Variants in CEMIP observed in about 807,000 individuals in gnomAD.
CEMIP encodes cell migration-inducing and hyaluronan-binding protein.
A neutral mutation model predicts 156.9 loss-of-function variants in CEMIP; 105 were observed. The observed-to-expected ratio is 0.67, with a 90% CI of 0.57 to 0.79. CEMIP has a LOEUF of 0.79. Among genes scored for constraint, CEMIP ranks in the 30% least tolerant of loss-of-function variants. The probability of loss-of-function intolerance (pLI) is 0.00; values close to 1 mark genes in which losing one functional copy is unlikely to be tolerated. For synonymous variants in CEMIP, 676 were observed against 668.4 expected (o/e 1.01, Z -0.17); for missense variants, 1,457 against 1,769.4 (o/e 0.82, Z 3.17).
chr15:80,907,020 C>A (rs538165088), intron 13 of CEMIP, among the ~76,000 whole-genome samples, 182 bp downstream of exon 13: 2 of 147,916 alleles, frequency 1.4e-5, no homozygotes, highest in African/African-American at 5.0e-5. Flanking sequence ...GCTCCCCCCC[C>A]ACCAATATTT....
Position 80,920,115 on chromosome 15 carries a change from A to C in CEMIP, c.1819A>C (p.Asn607His). The C allele has an allele frequency of 6.2e-7, 1 of 1,614,212 alleles. No homozygotes were observed. The highest frequency in any genetic ancestry group is 8.5e-7 in the Non-Finnish European group (1 of 1,180,040). The change falls in exon 15 of 30, where the codon AAC becomes CAC. Residue 607 changes from asparagine (N) to histidine (H), a missense_variant. By Grantham distance (68) the Asn-to-His change is moderately conservative. Around this residue, in one of 5 missense-constraint regions of CEMIP, gnomAD observed 53 missense variants for 104.5 expected, o/e 0.51. Transcript: ENST00000394685. ...GLLIKDVVGY[N>H]SLGHCFFTED... ...GCAGATCAAGGACGTTGTGGGCTAT[A>C]ACTCTTTGGGCCACTGCTTCTTCAC...
chr15:80,815,622 CTTTG>C (rs1896773525), intron 1 of CEMIP, among the ~76,000 whole-genome samples: 2 of 149,608 alleles, frequency 1.3e-5, no homozygotes, highest in Non-Finnish European at 3.0e-5. Flanking sequence ...ATTCCTTCTC[CTTTG>C]TTTCTTAGTT....
chr15:80,905,023 C>T (rs184946773), intron 12 of CEMIP, among the ~76,000 whole-genome samples: 16 of 152,292 alleles, frequency 1.1e-4, no homozygotes, highest in African/African-American at 3.6e-4. Context: ...GAGTAAACAT[C>T]CCTAGAAACA....
rs1567079754 is a variant in CEMIP at position 80,878,876 on chromosome 15, ATC to A, written c.241+17_241+18del. The A allele has an allele frequency of 1.9e-6, 3 of 1,614,110 alleles. No individual in the cohort carries two copies. Among genetic ancestry groups the A allele is most frequent in the South Asian group, 1.1e-5 (1 of 91,074 alleles). ...CCACATCTCAGAGGGAGGTAAGCCA[ATC>A]TCTCTCTGCTGCTCCCTCTTCCCTC... On this transcript the variant is annotated intron_variant, in intron 4 of 29. Transcript: ENST00000394685.
intron 12 of CEMIP, chr15:80,903,168 G>C (rs1344247738): frequency 6.6e-6 from 1 of 152,254 alleles, no homozygotes; most frequent in Admixed American, 6.5e-5. Context: ...GAAGCCTCTA[G>C]TCAGTGTCCT....
In CEMIP at chr15:80,879,703, G is replaced by C. The variant is rs1261332077; in HGVS notation, c.242-13G>C. The C allele has an allele frequency of 6.2e-6, 10 of 1,614,140 alleles. No homozygotes were observed. Among genetic ancestry groups the C allele is most frequent in the Non-Finnish European group, 8.5e-6 (10 of 1,180,008 alleles). The stretch of plus-strand genomic sequence containing the variant: ...CTGTGTTATTAAACCTCCCCCCAAT[G>C]CTACCTCTTCAGGCAAGCTGGTCAT... On this transcript the variant is annotated splice_polypyrimidine_tract_variant and intron_variant, in intron 4 of 29. Coordinates refer to ENST00000394685, the MANE Select transcript of CEMIP (RefSeq NM_001293298.2).
intron 12 of CEMIP, among the ~76,000 whole-genome samples, chr15:80,899,090 G>A (rs1899352637): frequency 6.6e-6 from 1 of 151,982 alleles, no homozygotes; most frequent in Admixed American, 6.6e-5. Context: ...GCGCGTGCCT[G>A]TAATCCCAGC....
At chr15:80,907,628 G>C (rs919725154) in intron 13 of CEMIP, among the ~76,000 whole-genome samples, 11 of 152,216 alleles carry the variant, frequency 7.2e-5, no homozygotes, top group African/African-American at 2.4e-4. Context: ...TTCCTGGCTA[G>C]AGTCAAGACA....
At chr15:80,819,578 C>T (rs1415435373) in intron 1 of CEMIP, among the ~76,000 whole-genome samples, 1 of 152,192 alleles carries the variant, frequency 6.6e-6, no homozygotes. Context: ...AGACCAATGA[C>T]AGCACACCCT....
intron 1 of CEMIP, among the ~76,000 whole-genome samples, chr15:80,839,285 C>CGT (rs1897333338): frequency 1.7e-5 from 1 of 60,052 alleles, no homozygotes; most frequent in Non-Finnish European, 2.9e-5. Context: ...GAGTCAAGGC[C>CGT]GTGAGTGTGT....
intron 10 of CEMIP, among the ~76,000 whole-genome samples, chr15:80,890,189 C>T (rs1349716036): frequency 2.0e-5 from 3 of 152,142 alleles, no homozygotes; most frequent in African/African-American, 7.2e-5. Flanking sequence ...ACAGGAGAGA[C>T]AGGAGAAATA....
At chr15:80,921,181 A>G in intron 16 of CEMIP, 80 bp downstream of exon 16, 1 of 1,284,458 alleles carries the variant, frequency 7.8e-7, no homozygotes, top group Non-Finnish European at 1.1e-6. Context: ...TTACCTTGAA[A>G]CATGTGTGCT....
intron 1 of CEMIP, among the ~76,000 whole-genome samples, chr15:80,848,953 A>ATTTTTTTTTT (rs764417438): frequency 2.8e-5 from 2 of 72,462 alleles, no homozygotes; most frequent in African/African-American, 1.3e-4. Flanking sequence ...CTCTTTAGAA[A>ATTTTTTTTTT]TTTTTTTTTT....
chr15:80,883,094 A>G (rs1162019886), intron 6 of CEMIP, among the ~76,000 whole-genome samples: 1 of 152,190 alleles, frequency 6.6e-6, no homozygotes, highest in East Asian at 1.9e-4. Context: ...CGGTACCAAC[A>G]TTGTTTTTCT....
intron 12 of CEMIP, among the ~76,000 whole-genome samples, chr15:80,904,706 C>A (rs990677764): frequency 2.0e-5 from 3 of 152,076 alleles, no homozygotes; most frequent in Non-Finnish European, 4.4e-5. Context: ...CACAGGCAGC[C>A]ACTCAAATCT....
intron 14 of CEMIP, among the ~76,000 whole-genome samples, chr15:80,915,359 A>G (rs1454384327): frequency 1.3e-5 from 2 of 152,246 alleles, no homozygotes; most frequent in Non-Finnish European, 2.9e-5. Context: ...GGAATGACCA[A>G]GGATAGCTTG....
chr15:80,803,043 G>A (rs1325839923), intron 1 of CEMIP, among the ~76,000 whole-genome samples: 1 of 152,122 alleles, frequency 6.6e-6, no homozygotes. Context: ...AGCATGGTTG[G>A]GCTCTGGAGG....
Position 80,932,894 on chromosome 15 carries a change from CCTCT to C in CEMIP, c.2794-349_2794-346del, listed in dbSNP as rs1403569964. ...CTCATACACACATCACCCCCACCTC[CCTCT>C]CACACACAGTCACACTCACAGTCCT... On this transcript the variant is annotated intron_variant, in intron 22 of 29. Transcript: ENST00000394685. The surrounding 1 kb of genome is among the most constrained non-coding windows in gnomAD (Gnocchi z 4.5). Among the ~76,000 whole-genome samples the C allele has an allele frequency of 6.6e-6, 1 of 152,162 alleles. No homozygotes were observed. Among genetic ancestry groups the C allele is most frequent in the Non-Finnish European group, 1.5e-5 (1 of 68,042 alleles).
intron 1 of CEMIP, among the ~76,000 whole-genome samples, chr15:80,852,683 A>C (rs977364991): frequency 6.6e-6 from 1 of 152,084 alleles, no homozygotes; most frequent in Non-Finnish European, 1.5e-5. Flanking sequence ...ATACTTTGAG[A>C]GATAGTCTCA....
Sources: allele counts gnomAD v4.1 joint callset (sites outside exome capture counted in the v4.1 genomes callset), GRCh38; gene constraint gnomAD v4.1.1; regional missense constraint gnomAD v4.1.1; non-coding constraint Gnocchi (gnomAD v3.1); transcripts MANE v1.5; gene names NCBI Gene and HGNC (gene_info 2026-07-23, HGNC 2026-07-21).